Variants in TRMT11 observed in about 807,000 individuals in gnomAD.
The protein encoded by TRMT11 is tRNA methyltransferase 11, also known as tRNA (guanine(10)-N(2))-methyltransferase TRMT11.
A neutral mutation model predicts 62.8 loss-of-function variants in TRMT11; 53 were observed. The observed-to-expected ratio is 0.84, with a 90% CI of 0.68 to 1.06. The LOEUF (loss-of-function observed/expected upper bound fraction) is 1.06, where lower values mean the gene tolerates loss of function less well. Among genes scored for constraint, TRMT11 ranks in the 50% least tolerant of loss-of-function variants. The pLI is 0.00. For synonymous variants in TRMT11, 188 were observed against 190.3 expected (o/e 0.99, Z 0.10); for missense variants, 556 against 553.4 (o/e 1.00, Z -0.05).
intron 1 of TRMT11, among the ~76,000 whole-genome samples, chr6:125,993,382 A>G (rs1251550305): frequency 6.6e-6 from 1 of 152,148 alleles, no homozygotes; most frequent in Non-Finnish European, 1.5e-5. Context: ...GCCCTGGCTG[A>G]TTATTTTTTT....
chr6:126,172,365 T>G (rs1432908908), upstream of TRMT11, among the ~76,000 whole-genome samples: 1 of 152,148 alleles, frequency 6.6e-6, no homozygotes, highest in Non-Finnish European at 1.5e-5. Flanking sequence ...GAAACACTAA[T>G]CCTGTGGGCC....
intron 1 of TRMT11, among the ~76,000 whole-genome samples, chr6:126,190,761 A>T (rs1272391537): frequency 6.6e-6 from 1 of 152,136 alleles, no homozygotes; most frequent in East Asian, 1.9e-4. Flanking sequence ...TGTTGCTAAA[A>T]ATGACAGGAT....
chr6:126,151,063 C>T (rs1778032628), intron 21 of TRMT11, among the ~76,000 whole-genome samples: 1 of 152,138 alleles, frequency 6.6e-6, no homozygotes, highest in South Asian at 2.1e-4. Flanking sequence ...TATTAGTTCT[C>T]ATTTTCTACC....
intron 21 of TRMT11, among the ~76,000 whole-genome samples, chr6:126,125,761 G>A (rs149340803): frequency 0.01 from 1,566 of 152,124 alleles, 18 homozygotes; most frequent in African/African-American, 0.036. Context: ...GTGAGCCAGC[G>A]TAAGAGTGGA....
chr6:126,077,130 T>C (rs750387442), intron 17 of TRMT11, among the ~76,000 whole-genome samples: 10 of 152,222 alleles, frequency 6.6e-5, no homozygotes, highest in Non-Finnish European at 1.2e-4. Flanking sequence ...AAAGAAGATA[T>C]GCAATAACTT....
intron 17 of TRMT11, among the ~76,000 whole-genome samples, chr6:126,069,988 G>T (rs891378810): frequency 1.3e-5 from 2 of 152,050 alleles, no homozygotes; most frequent in East Asian, 3.8e-4. Context: ...TGGTCTCCCG[G>T]GGAGGGTTTG....
chr6:126,174,448 T>C (rs1778363143), upstream of TRMT11, among the ~76,000 whole-genome samples: 1 of 152,168 alleles, frequency 6.6e-6, no homozygotes, highest in African/African-American at 2.4e-5. Context: ...GGAAATTTCC[T>C]TATGGCATTC....
At chr6:126,208,195 A>G (rs111874905), downstream of TRMT11, among the ~76,000 whole-genome samples, 2,776 of 152,256 alleles carry the variant, frequency 0.018, 90 homozygotes, top group African/African-American at 0.063. Flanking sequence ...TGTTCAAACT[A>G]CATGTGCTCC....
At chr6:126,244,243 C>A in the TRMT11 span, among the ~76,000 whole-genome samples, 1 of 151,278 alleles carries the variant, frequency 6.6e-6, no homozygotes. Flanking sequence ...AAACTCAAAT[C>A]ATTAGTATTT....
the TRMT11 span, among the ~76,000 whole-genome samples, chr6:126,268,199 A>G: frequency 6.6e-6 from 1 of 152,162 alleles, no homozygotes; most frequent in Non-Finnish European, 1.5e-5. Context: ...AAACAAGAAG[A>G]AGGAGAAGAA....
chr6:126,043,823 C>T (rs1280328930), downstream of TRMT11, among the ~76,000 whole-genome samples: 2 of 151,518 alleles, frequency 1.3e-5, no homozygotes, highest in African/African-American at 4.8e-5. Context: ...AGCATTTTTT[C>T]ATGTGTCTTT....
chr6:126,135,330 C>G (rs1358666659), intron 21 of TRMT11, among the ~76,000 whole-genome samples: 1 of 151,450 alleles, frequency 6.6e-6, no homozygotes, highest in Non-Finnish European at 1.5e-5. Flanking sequence ...CACAGAAATA[C>G]AAAGGATCAT....
At chr6:126,201,989 A>G (rs1386984424) in intron 3 of TRMT11, 2 of 152,160 alleles carry the variant, frequency 1.3e-5, no homozygotes, top group South Asian at 2.1e-4. Flanking sequence ...AATACCATAT[A>G]TGTCTAGTCT....
At chr6:126,071,357 TA>T (rs1452274749) in intron 17 of TRMT11, among the ~76,000 whole-genome samples, 5 of 151,886 alleles carry the variant, frequency 3.3e-5, no homozygotes, top group African/African-American at 4.9e-5. Context: ...GAATTCTTTT[TA>T]TTTTTTTTTT....
intron 7 of TRMT11, 25 bp downstream of exon 7, chr6:125,999,638 A>G: frequency 6.3e-7 from 1 of 1,576,272 alleles, no homozygotes; most frequent in South Asian, 1.2e-5. Flanking sequence ...CTTTTAAGCT[A>G]GTGTAGAGAT....
chr6:126,093,588 T>C (rs932930501), intron 17 of TRMT11, among the ~76,000 whole-genome samples: 1 of 14,524 alleles, frequency 6.9e-5, no homozygotes, highest in African/African-American at 5.2e-4. Flanking sequence ...TATGTATGTA[T>C]ATATATATAT....
downstream of TRMT11, among the ~76,000 whole-genome samples, chr6:126,039,536 G>A (rs1018720603): frequency 6.6e-6 from 1 of 152,032 alleles, no homozygotes; most frequent in Non-Finnish European, 1.5e-5. Flanking sequence ...GAAAGTAACG[G>A]ATAGTTAAAA....
intron 1 of TRMT11, among the ~76,000 whole-genome samples, chr6:125,988,827 C>T (rs2128726036): frequency 6.6e-6 from 1 of 152,096 alleles, no homozygotes; most frequent in Non-Finnish European, 1.5e-5. Flanking sequence ...AACTCATTGG[C>T]CTTAGGAGTC....
At chr6:125,989,046 G>C (rs1186634527) in intron 1 of TRMT11, among the ~76,000 whole-genome samples, 1 of 151,752 alleles carries the variant, frequency 6.6e-6, no homozygotes, top group Non-Finnish European at 1.5e-5. Flanking sequence ...GGAGGTTGAA[G>C]TGGTGGGCAT....
Sources: gnomAD v4.1 joint callset for allele counts (sites outside exome capture counted in the v4.1 genomes callset) on GRCh38, gnomAD v4.1.1 for gene constraint, MANE v1.5 for transcripts, NCBI Gene and HGNC (gene_info 2026-07-23, HGNC 2026-07-21) for gene names.